Variants in CDH12 observed in about 807,000 individuals in gnomAD.
CDH12 encodes the protein cadherin-12.
CDH12 carries 41 observed loss-of-function variants against 74.1 expected under a neutral mutation model. The observed-to-expected ratio is 0.55, with a 90% CI of 0.43 to 0.72. The LOEUF (loss-of-function observed/expected upper bound fraction) is 0.72. Among genes scored for constraint, CDH12 ranks in the 30% least tolerant of loss-of-function variants. CDH12 has a pLI of 0.00. For synonymous variants in CDH12, 399 were observed against 355.0 expected, an observed-to-expected ratio of 1.12 and a Z score of -1.39; for missense variants, 945 against 977.2, an observed-to-expected ratio of 0.97 and a Z score of 0.44.
chr5:22,343,323 C>CACAGACACACACAGAGAG (rs1378956871), intron 3 of CDH12, among the ~76,000 whole-genome samples: 1 of 136,260 alleles, frequency 7.3e-6, no homozygotes, highest in African/African-American at 2.9e-5. Flanking sequence ...GACACACACA[C>CACAGACACACACAGAGAG]AGAGAGAGAG....
chr5:22,370,994 G>A (rs533061120), intron 3 of CDH12, among the ~76,000 whole-genome samples: 3 of 152,234 alleles, frequency 2.0e-5, no homozygotes, highest in African/African-American at 7.2e-5. Flanking sequence ...GGAAGCTATA[G>A]TAAAGGATCT....
chr5:22,067,685 C>T lies in CDH12; in HGVS notation c.231+10761G>A, dbSNP rs1446490776. On this transcript the variant is annotated intron_variant, in intron 5 of 14. Transcript: ENST00000382254. ...CTCATTTGATGAATTACAGCACAGG[C>T]CCTTAGGATTTGGGGACAAAGCCTT... 5.3e-5 allele frequency among the ~76,000 whole-genome samples: 8 copies of T among 152,220 alleles called. No homozygotes were observed. In the East Asian group the frequency reaches 1.4e-3, roughly 26 times the overall value.
At chr5:21,785,820 G>A (rs1746166444) in intron 10 of CDH12, among the ~76,000 whole-genome samples, 1 of 152,154 alleles carries the variant, frequency 6.6e-6, no homozygotes, top group Admixed American at 6.5e-5. Flanking sequence ...TCTGCAGCAA[G>A]TTATCAAAAA....
intron 1 of CDH12, among the ~76,000 whole-genome samples, chr5:22,516,448 G>T (rs956603567): frequency 6.6e-6 from 1 of 152,008 alleles, no homozygotes; most frequent in East Asian, 1.9e-4. Context: ...ATAATCTATT[G>T]ATATTGGTAG....
intron 2 of CDH12, among the ~76,000 whole-genome samples, chr5:22,406,475 G>A (rs1742945625): frequency 6.6e-6 from 1 of 152,080 alleles, no homozygotes; most frequent in Admixed American, 6.6e-5. Context: ...TATAATGTTT[G>A]TGATTTTTGA....
chr5:22,803,151 T>TA (rs1229048878), intron 1 of CDH12, among the ~76,000 whole-genome samples: 2 of 152,316 alleles, frequency 1.3e-5, no homozygotes, highest in East Asian at 3.9e-4. Context: ...GAAAACAGTA[T>TA]TTTGTGTAAA....
chr5:22,020,756 C>G (rs1034677226), intron 5 of CDH12, among the ~76,000 whole-genome samples: 2 of 151,776 alleles, frequency 1.3e-5, no homozygotes, highest in African/African-American at 4.8e-5. Flanking sequence ...TCCCCCCTCT[C>G]ATGACTTCAT....
chr5:22,163,113 C>T (rs1209084316), intron 4 of CDH12, among the ~76,000 whole-genome samples: 1 of 151,858 alleles, frequency 6.6e-6, no homozygotes, highest in Non-Finnish European at 1.5e-5. Context: ...CATCTCCTGA[C>T]CTCGTGATCC....
At chr5:21,924,827 T>G (rs975666989) in intron 6 of CDH12, among the ~76,000 whole-genome samples, 1 of 152,210 alleles carries the variant, frequency 6.6e-6, no homozygotes, top group Non-Finnish European at 1.5e-5. Flanking sequence ...CCACTTTTTA[T>G]GTAGAATTTA....
At chr5:21,811,571 T>C (rs904195404) in intron 9 of CDH12, among the ~76,000 whole-genome samples, 1 of 152,080 alleles carries the variant, frequency 6.6e-6, no homozygotes, top group African/African-American at 2.4e-5. Flanking sequence ...AATGAAGCCA[T>C]TGAATTTTAA....
chr5:22,198,467 C>T lies in CDH12; in HGVS notation c.-187+14031G>A, dbSNP rs190023723. On this transcript the variant is annotated intron_variant, in intron 4 of 14. Coordinates refer to ENST00000382254, the MANE Select transcript of CDH12 (RefSeq NM_004061.5). ...AATATTTTCATTTTTATGTAGGAAT[C>T]GTAACAAATGCCTAAGGAACTTAAT... is the stretch of plus-strand genomic sequence containing the variant. Among the ~76,000 whole-genome samples the T allele has an allele frequency of 6.4e-4, 98 of 152,192 alleles. 1 individual carries two copies. Among genetic ancestry groups the T allele is most frequent in the Middle Eastern group, 6.8e-3 (2 of 294 alleles).
chr5:22,035,194 C>G (rs1287433808), intron 5 of CDH12, among the ~76,000 whole-genome samples: 3 of 152,042 alleles, frequency 2.0e-5, no homozygotes, highest in African/African-American at 4.8e-5. Flanking sequence ...CCATGAGTGT[C>G]TGGGTCTTCT....
intron 10 of CDH12, among the ~76,000 whole-genome samples, chr5:21,789,064 G>A (rs1046222119): frequency 6.6e-6 from 1 of 151,540 alleles, no homozygotes; most frequent in African/African-American, 2.4e-5. Flanking sequence ...TCTGCTTTAA[G>A]TTTTGCCATA....
At chr5:21,976,983 G>A (rs1757097081) in intron 5 of CDH12, among the ~76,000 whole-genome samples, 1 of 151,972 alleles carries the variant, frequency 6.6e-6, no homozygotes, top group African/African-American at 2.4e-5. Context: ...AAGCTCAAGA[G>A]CGTGCTTTAA....
Position 22,777,662 on chromosome 5 carries a change from G to A in CDH12, c.-523+75396C>T, listed in dbSNP as rs6874963. 3.3e-3 allele frequency among the ~76,000 whole-genome samples: 503 copies of A among 151,884 alleles called. 3 individuals are homozygous for A. Among genetic ancestry groups the A allele is most frequent in the African/African-American group, 0.011 (474 of 41,426 alleles). On this transcript the variant is annotated intron_variant, in intron 1 of 14. Transcript: ENST00000382254. ...TGTTTTCTGGTAAATGCCTTTTTAT[G>A]TTTTTCACCCTTTTTCTGGTGGCAG...
intron 1 of CDH12, among the ~76,000 whole-genome samples, chr5:22,724,885 C>T (rs556702163): frequency 6.6e-6 from 1 of 151,546 alleles, no homozygotes; most frequent in Non-Finnish European, 1.5e-5. Flanking sequence ...TAAAAAATTT[C>T]TATATAAATT....
chr5:21,816,882 T>G, intron 9 of CDH12, 63 bp downstream of exon 9: 1 of 1,104,032 alleles, frequency 9.1e-7, no homozygotes, highest in Non-Finnish European at 1.3e-6. Context: ...ATTTTCAATA[T>G]TTATTTTTTA....
chr5:22,723,876 C>T (rs568650558), intron 1 of CDH12, among the ~76,000 whole-genome samples: 25 of 152,054 alleles, frequency 1.6e-4, no homozygotes, highest in African/African-American at 5.1e-4. Flanking sequence ...AGATAGTAAT[C>T]GCACACTCAG....
chr5:22,852,251 G>A (rs916029205), intron 1 of CDH12, among the ~76,000 whole-genome samples: 2 of 152,182 alleles, frequency 1.3e-5, no homozygotes, highest in African/African-American at 4.8e-5. Context: ...GTACTCTGAA[G>A]TACAGAGGTT....
Sources: gnomAD v4.1 joint callset for allele counts (sites outside exome capture counted in the v4.1 genomes callset) on GRCh38, gnomAD v4.1.1 for gene constraint, MANE v1.5 for transcripts, NCBI Gene and HGNC (gene_info 2026-07-23, HGNC 2026-07-21) for gene names.